The following NSMCE2 variants were observed in gnomAD, a reference collection of about 807,000 sequenced individuals.
NSMCE2 encodes the protein NSE2 SUMO ligase component of SMC5/6 complex.
Under a neutral mutation model 23.8 loss-of-function variants are expected in NSMCE2, and 24 were observed. That is an observed-to-expected ratio of 1.01 (90% CI 0.73 to 1.42). The LOEUF is 1.42. NSMCE2 is among the 40% of genes most tolerant of loss of function. The pLI is 0.00. For missense variants in NSMCE2, 284 were observed against 296.5 expected, an observed-to-expected ratio of 0.96 and a Z score of 0.31; for synonymous variants, 92 against 94.1, an observed-to-expected ratio of 0.98 and a Z score of 0.13.
intron 5 of NSMCE2, among the ~76,000 whole-genome samples, chr8:125,318,292 C>A (rs1201942981): frequency 6.6e-6 from 1 of 152,098 alleles, no homozygotes; most frequent in African/African-American, 2.4e-5. Context: ...GTCCCAGCTA[C>A]TTAGTAGGGC....
chr8:125,141,254 GTCAA>G lies in NSMCE2; in HGVS notation c.158-9913_158-9910del, dbSNP rs1431961425. Among the ~76,000 whole-genome samples, 4 of 152,156 alleles carry G rather than the reference GTCAA, an allele frequency of 2.6e-5. 1 individual carries two copies. The highest frequency in any genetic ancestry group is 2.6e-4 in the Admixed American group (4 of 15,270). On this transcript the variant is annotated intron_variant, in intron 3 of 7. Coordinates refer to ENST00000287437, the MANE Select transcript of NSMCE2 (RefSeq NM_173685.4). ...CTCTGAGGTAGAGCAATTTATTTAA[GTCAA>G]TCAGTCTCTCTTTCATTTTCTCTCC... is the stretch of plus-strand genomic sequence containing the variant.
chr8:125,258,002 A>G (rs1336555056), intron 5 of NSMCE2, among the ~76,000 whole-genome samples: 2 of 152,204 alleles, frequency 1.3e-5, no homozygotes, highest in Admixed American at 6.5e-5. Context: ...TGACCCAAAT[A>G]GCTCATGCCA....
At chr8:125,216,337 G>C (rs1824581397) in intron 5 of NSMCE2, among the ~76,000 whole-genome samples, 2 of 152,212 alleles carry the variant, frequency 1.3e-5, no homozygotes, top group East Asian at 3.9e-4. Context: ...AAGTGGAATA[G>C]CTGAATCAAA....
At chr8:125,221,534 G>T (rs1395393085) in intron 5 of NSMCE2, among the ~76,000 whole-genome samples, 1 of 152,226 alleles carries the variant, frequency 6.6e-6, no homozygotes, top group Non-Finnish European at 1.5e-5. Context: ...ATGAGCCACT[G>T]TGCCCAGCCA....
chr8:125,257,522 CTTTTTTTTT>C (rs1174718163), intron 5 of NSMCE2, among the ~76,000 whole-genome samples: 170 of 84,628 alleles, frequency 2.0e-3, no homozygotes, highest in African/African-American at 3.7e-3. Flanking sequence ...CCAAATTTCT[CTTTTTTTTT>C]TTTTTTTTTT....
intron 3 of NSMCE2, chr8:125,124,360 G>T (rs1216478096): frequency 6.6e-6 from 1 of 152,130 alleles, no homozygotes; most frequent in African/African-American, 2.4e-5. Flanking sequence ...TATTGCAAGT[G>T]TATAAAAATA....
At chr8:125,174,333 G>T (rs911684366) in intron 4 of NSMCE2, among the ~76,000 whole-genome samples, 1 of 152,038 alleles carries the variant, frequency 6.6e-6, no homozygotes, top group Admixed American at 6.6e-5. Context: ...ATGAATAAAT[G>T]AATAAATAAA....
rs143898275 is a variant in NSMCE2 at position 125,242,656 on chromosome 8, A to G, written c.418+60400A>G. ...CAAATACCCTTCAGCTTACAACAGCAGGAGCTAGAGACCTGGGTGAACTAC... is the reference window on the plus strand; with the variant it reads ...CAAATACCCTTCAGCTTACAACAGCGGGAGCTAGAGACCTGGGTGAACTAC... On this transcript the variant is annotated intron_variant, in intron 5 of 7. Transcript: ENST00000287437. 3.0e-3 allele frequency among the ~76,000 whole-genome samples: 451 copies of G among 152,354 alleles called. 2 individuals carry two copies. In the Middle Eastern group the frequency reaches 0.031, roughly 10 times the overall value.
At chr8:125,141,183 A>G (rs1345547263) in intron 3 of NSMCE2, among the ~76,000 whole-genome samples, 2 of 152,214 alleles carry the variant, frequency 1.3e-5, no homozygotes, top group Non-Finnish European at 2.9e-5. Context: ...CATACATTCT[A>G]AGGATATATC....
intron 5 of NSMCE2, among the ~76,000 whole-genome samples, chr8:125,345,645 A>C (rs1316450712): frequency 6.6e-6 from 1 of 152,236 alleles, no homozygotes; most frequent in Non-Finnish European, 1.5e-5. Flanking sequence ...CCTCTGCTTT[A>C]GCACCTGACA....
chr8:125,207,876 CT>C (rs1191909504), intron 5 of NSMCE2, among the ~76,000 whole-genome samples: 17 of 152,150 alleles, frequency 1.1e-4, no homozygotes, highest in African/African-American at 4.1e-4. Flanking sequence ...AGGCAAGAGC[CT>C]CTAGAGCCGG....
At chr8:125,266,592 G>T (rs1372856391) in intron 5 of NSMCE2, among the ~76,000 whole-genome samples, 1 of 152,150 alleles carries the variant, frequency 6.6e-6, no homozygotes, top group Non-Finnish European at 1.5e-5. Context: ...CTGCTATATA[G>T]TTGGAGAGAA....
intron 5 of NSMCE2, among the ~76,000 whole-genome samples, chr8:125,350,238 T>C (rs958809714): frequency 6.6e-6 from 1 of 152,122 alleles, no homozygotes; most frequent in African/African-American, 2.4e-5. Flanking sequence ...AGTGATGTGA[T>C]AGAGAAAGTC....
At chr8:125,169,238 AT>A (rs1409847930) in intron 4 of NSMCE2, among the ~76,000 whole-genome samples, 1 of 151,936 alleles carries the variant, frequency 6.6e-6, no homozygotes, top group Non-Finnish European at 1.5e-5. Context: ...CCGTTCTTCG[AT>A]TTTCTTTCTC....
chr8:125,107,496 A>G (rs1236569920), intron 3 of NSMCE2, among the ~76,000 whole-genome samples: 1 of 151,936 alleles, frequency 6.6e-6, no homozygotes, highest in African/African-American at 2.4e-5. Context: ...CTGGCCTATC[A>G]AGGACATTCT....
chr8:125,269,163 C>T (rs1423208263), intron 5 of NSMCE2, among the ~76,000 whole-genome samples: 2 of 152,166 alleles, frequency 1.3e-5, no homozygotes, highest in East Asian at 1.9e-4. Context: ...TCTCGACTCA[C>T]TTCAACCTCC....
intron 5 of NSMCE2, among the ~76,000 whole-genome samples, chr8:125,291,983 C>T (rs547077118): frequency 2.0e-5 from 3 of 152,228 alleles, no homozygotes; most frequent in Admixed American, 6.5e-5. Flanking sequence ...TCCTCCCGCA[C>T]TCAATTCATT....
chr8:125,178,528 T>C (rs1433635410), intron 4 of NSMCE2, among the ~76,000 whole-genome samples: 1 of 152,224 alleles, frequency 6.6e-6, no homozygotes, highest in South Asian at 2.1e-4. Flanking sequence ...TCCTAACCCC[T>C]AGTAGGACCT....
chr8:125,135,498 A>G (rs1045853495), intron 3 of NSMCE2, among the ~76,000 whole-genome samples: 6 of 152,082 alleles, frequency 3.9e-5, no homozygotes, highest in African/African-American at 1.2e-4. Context: ...GTATTTTTCT[A>G]GAAATTTTGT....
Sources: allele counts gnomAD v4.1 joint callset (sites outside exome capture counted in the v4.1 genomes callset), GRCh38; gene constraint gnomAD v4.1.1; transcripts MANE v1.5; gene names NCBI Gene and HGNC (gene_info 2026-07-23, HGNC 2026-07-21).